NAALADL2: variants seen among roughly 807,000 people sequenced by gnomAD.
NAALADL2 encodes N-acetylated alpha-linked acidic dipeptidase like 2.
In NAALADL2, 76 loss-of-function variants were observed where a neutral mutation model predicts 87.2. That is an observed-to-expected ratio of 0.87 (90% CI 0.72 to 1.05). The LOEUF (loss-of-function observed/expected upper bound fraction) is 1.05, where lower values mean the gene tolerates loss of function less well. NAALADL2 is among the 50% of genes least tolerant of loss of function. The pLI is 0.00. For synonymous variants in NAALADL2, 354 were observed against 331.0 expected (o/e 1.07, Z -0.75); for missense variants, 1,089 against 945.8 (o/e 1.15, Z -1.99).
At chr3:175,773,986 T>C (rs1214145957) in intron 13 of NAALADL2, among the ~76,000 whole-genome samples, 2 of 152,232 alleles carry the variant, frequency 1.3e-5, no homozygotes, top group South Asian at 4.1e-4. Flanking sequence ...GAACTCTTGA[T>C]GACTGAAACA....
intron 4 of NAALADL2, among the ~76,000 whole-genome samples, chr3:175,280,377 A>G (rs1237048911): frequency 6.6e-6 from 1 of 152,146 alleles, no homozygotes; most frequent in African/African-American, 2.4e-5. Flanking sequence ...TAAAACCATT[A>G]AAGATTTTAT....
Position 175,102,112 on chromosome 3 carries a change from A to G in NAALADL2, c.545+4821A>G, listed in dbSNP as rs112906257. 7.2e-3 allele frequency among the ~76,000 whole-genome samples: 1,095 copies of G among 152,320 alleles called. 21 individuals carry two copies. Among genetic ancestry groups the G allele is most frequent in the African/African-American group, 0.025 (1,054 of 41,578 alleles). ...CCAATAAATATAGATTTAAATCACT[A>G]CATAAAATACTGCCTGGTATTCCAT... On this transcript the variant is annotated intron_variant, in intron 2 of 13. Transcript: ENST00000454872.
At chr3:175,538,884 A>G (rs1288435996) in intron 9 of NAALADL2, among the ~76,000 whole-genome samples, 1 of 152,238 alleles carries the variant, frequency 6.6e-6, no homozygotes, top group East Asian at 1.9e-4. Context: ...CATGTTTCAC[A>G]GCTCAAGGAC....
intron 10 of NAALADL2, among the ~76,000 whole-genome samples, chr3:175,589,756 A>G (rs34025849): frequency 7.2e-4 from 109 of 151,172 alleles, no homozygotes; most frequent in Non-Finnish European, 1.2e-3. Context: ...TAAGCATAAA[A>G]TTTGGACCAA....
intron 2 of NAALADL2, among the ~76,000 whole-genome samples, chr3:175,100,474 A>C (rs376725099): frequency 1.3e-5 from 2 of 152,280 alleles, no homozygotes; most frequent in East Asian, 1.9e-4. Context: ...TATCTTTCTC[A>C]TTCAGAGAAT....
intron 1 of NAALADL2, among the ~76,000 whole-genome samples, chr3:174,871,339 G>A (rs1579287857): frequency 6.6e-6 from 1 of 152,148 alleles, no homozygotes; most frequent in East Asian, 1.9e-4. Context: ...CTTAGCCTTA[G>A]GGTATGAAGA....
At chr3:174,815,514 G>C (rs1056449778) in intron 3 of NAALADL2, among the ~76,000 whole-genome samples, 1 of 152,062 alleles carries the variant, frequency 6.6e-6, no homozygotes, top group Non-Finnish European at 1.5e-5. Context: ...CTGAAGCCTC[G>C]AACTGCTGTG....
At chr3:175,224,267 C>T (rs1707129299) in intron 2 of NAALADL2, among the ~76,000 whole-genome samples, 1 of 151,960 alleles carries the variant, frequency 6.6e-6, no homozygotes, top group African/African-American at 2.4e-5. Flanking sequence ...CTGTTTCCAG[C>T]GGACTGTGAT....
chr3:175,402,941 A>G (rs1020761229), intron 5 of NAALADL2, among the ~76,000 whole-genome samples: 3 of 152,110 alleles, frequency 2.0e-5, no homozygotes, highest in Non-Finnish European at 2.9e-5. Flanking sequence ...TTTAAATTCT[A>G]CTTTGACACT....
At chr3:175,746,486 C>T (rs970421619) in intron 12 of NAALADL2, among the ~76,000 whole-genome samples, 2 of 152,034 alleles carry the variant, frequency 1.3e-5, no homozygotes, top group African/African-American at 4.8e-5. Context: ...TTAATTACCA[C>T]CAATTCCAGC....
At chr3:174,988,400 A>G (rs1356977570) in intron 1 of NAALADL2, among the ~76,000 whole-genome samples, 2 of 152,204 alleles carry the variant, frequency 1.3e-5, no homozygotes, top group African/African-American at 4.8e-5. Context: ...CCTAACGGTA[A>G]CCATGTAATA....
intron 3 of NAALADL2, among the ~76,000 whole-genome samples, chr3:174,814,214 T>A (rs897194767): frequency 1.3e-5 from 2 of 152,104 alleles, no homozygotes; most frequent in African/African-American, 2.4e-5. Flanking sequence ...GTTCACACCA[T>A]TCTTCTGCCT....
At chr3:174,517,747 G>T (rs904556244) in intron 1 of NAALADL2, among the ~76,000 whole-genome samples, 1 of 151,992 alleles carries the variant, frequency 6.6e-6, no homozygotes. Flanking sequence ...ATGATACAAG[G>T]AATTATTCTG....
At chr3:175,018,765 A>G (rs1198601744) in intron 1 of NAALADL2, among the ~76,000 whole-genome samples, 2 of 152,086 alleles carry the variant, frequency 1.3e-5, no homozygotes, top group Non-Finnish European at 2.9e-5. Flanking sequence ...GAAGAGCCAC[A>G]ACACTGCAAA....
At chr3:174,916,822 T>C (rs1308655729) in intron 1 of NAALADL2, among the ~76,000 whole-genome samples, 1 of 152,002 alleles carries the variant, frequency 6.6e-6, no homozygotes, top group Non-Finnish European at 1.5e-5. Context: ...AAAAAACTTA[T>C]CCATGTAACC....
intron 12 of NAALADL2, among the ~76,000 whole-genome samples, chr3:175,743,460 C>A (rs1241401707): frequency 6.6e-6 from 1 of 152,114 alleles, no homozygotes; most frequent in Non-Finnish European, 1.5e-5. Flanking sequence ...TTGGGTTTAA[C>A]CAGGGCTAGA....
intron 11 of NAALADL2, among the ~76,000 whole-genome samples, chr3:175,681,696 A>G (rs1245465625): frequency 1.3e-5 from 2 of 152,308 alleles, no homozygotes; most frequent in South Asian, 4.1e-4. Context: ...GAAAACAGAC[A>G]ACTGAAGAGT....
At chr3:174,536,880 A>T (rs757703594) in intron 1 of NAALADL2, among the ~76,000 whole-genome samples, 23 of 152,174 alleles carry the variant, frequency 1.5e-4, no homozygotes, top group Non-Finnish European at 2.8e-4. Flanking sequence ...ATAATATTTC[A>T]CATTCTCTTC....
chr3:174,882,677 GTATATGTGTAT>G (rs1729476825), intron 1 of NAALADL2, among the ~76,000 whole-genome samples: 24 of 136,366 alleles, frequency 1.8e-4, no homozygotes, highest in African/African-American at 7.3e-4. Context: ...ACACATATGT[GTATATGTGTAT>G]CCGTGTATAT....
Sources: gnomAD v4.1 joint callset for allele counts (sites outside exome capture counted in the v4.1 genomes callset) on GRCh38, gnomAD v4.1.1 for gene constraint, MANE v1.5 for transcripts, NCBI Gene and HGNC (gene_info 2026-07-23, HGNC 2026-07-21) for gene names.